The following PRIMA1 variants were observed in gnomAD, a reference collection of about 807,000 sequenced individuals.
The protein encoded by PRIMA1 is proline rich membrane anchor 1.
Under a neutral mutation model 17.5 loss-of-function variants are expected in PRIMA1, and 7 were observed. The ratio of observed to expected loss-of-function variants is 0.40; its 90% CI spans 0.23 to 0.75. The LOEUF (loss-of-function observed/expected upper bound fraction) is 0.75, where lower values mean the gene tolerates loss of function less well. PRIMA1 is among the 30% of genes least tolerant of loss of function. The pLI, the probability that PRIMA1 is intolerant of heterozygous loss-of-function variation, is 0.37. For synonymous variants in PRIMA1, 97 were observed against 77.9 expected, an observed-to-expected ratio of 1.25 and a Z score of -1.29; for missense variants, 200 against 201.8, an observed-to-expected ratio of 0.99 and a Z score of 0.05.
chr14:93,721,465 G>T lies in PRIMA1; in HGVS notation c.441C>A (p.Asp147Glu), dbSNP rs966498472. Residue 147 changes from aspartate to glutamate, a missense_variant, in exon 5 of 5, where the codon GAC (aspartate) becomes GAA (glutamate). Coordinates refer to ENST00000393140, the MANE Select transcript of PRIMA1 (RefSeq NM_178013.4). The stretch of plus-strand genomic sequence containing the variant: ...AGACTCACACCACTGCGTTGTTCAC[G>T]TCTACTCCTTTGTTGCTCTGCGAAG... ...MSASQSNKGV[D>E]VNNAVV is the part of the protein sequence containing the mutation. 6 of 1,613,000 alleles carry T rather than the reference G, an allele frequency of 3.7e-6. No individual in the cohort carries two copies. The African/African-American group carries it at 8.0e-5, about 22-fold the overall frequency.
At chr14:93,750,851 A>G (rs1432198445) in intron 3 of PRIMA1, among the ~76,000 whole-genome samples, 1 of 152,200 alleles carries the variant, frequency 6.6e-6, no homozygotes, top group Non-Finnish European at 1.5e-5. Flanking sequence ...GCCTAGGTGG[A>G]AGTCTCTGGG....
chr14:93,786,502 G>A (rs954881744), intron 2 of PRIMA1, among the ~76,000 whole-genome samples: 32 of 152,126 alleles, frequency 2.1e-4, no homozygotes, highest in African/African-American at 6.3e-4. Context: ...CATGGACCTC[G>A]GTAGACTGGC....
chr14:93,753,865 A>C (rs780468285), intron 3 of PRIMA1, among the ~76,000 whole-genome samples: 25 of 152,278 alleles, frequency 1.6e-4, no homozygotes, highest in Admixed American at 1.0e-3. Flanking sequence ...GAAATCCCAC[A>C]ATGTGAACCA....
intron 4 of PRIMA1, among the ~76,000 whole-genome samples, chr14:93,725,551 C>A (rs1457429523): frequency 1.3e-5 from 2 of 152,202 alleles, no homozygotes; most frequent in Non-Finnish European, 2.9e-5. Context: ...TAAACCCCCG[C>A]CCCACCATTT....
chr14:93,757,094 G>A (rs1470874162), intron 3 of PRIMA1, among the ~76,000 whole-genome samples: 1 of 152,178 alleles, frequency 6.6e-6, no homozygotes, highest in African/African-American at 2.4e-5. Flanking sequence ...CCCTTGTAGG[G>A]AAGAATCTAG....
chr14:93,727,916 C>CGTGA (rs897604206), intron 4 of PRIMA1, among the ~76,000 whole-genome samples: 7 of 152,254 alleles, frequency 4.6e-5, no homozygotes, highest in African/African-American at 1.7e-4. Context: ...TGGGCGGTCA[C>CGTGA]GCCCCACCAG....
At chr14:93,764,660 C>T (rs1228379358) in intron 3 of PRIMA1, among the ~76,000 whole-genome samples, 1 of 152,178 alleles carries the variant, frequency 6.6e-6, no homozygotes, top group Admixed American at 6.5e-5. Flanking sequence ...TTATTTAGGT[C>T]TCCCCATGAT....
chr14:93,727,500 G>A (rs542662557), intron 4 of PRIMA1, among the ~76,000 whole-genome samples: 1 of 152,316 alleles, frequency 6.6e-6, no homozygotes, highest in Non-Finnish European at 1.5e-5. Context: ...GCTGGGGGAT[G>A]GAGATCCCTG....
At chr14:93,775,821 C>T (rs773765595) in intron 3 of PRIMA1, among the ~76,000 whole-genome samples, 5 of 152,220 alleles carry the variant, frequency 3.3e-5, no homozygotes, top group East Asian at 1.9e-4. Context: ...GGGTTTTAGC[C>T]CTTCTATTCG....
At chr14:93,767,154 G>A (rs769765426) in intron 3 of PRIMA1, among the ~76,000 whole-genome samples, 6 of 152,236 alleles carry the variant, frequency 3.9e-5, no homozygotes, top group Admixed American at 2.6e-4. Flanking sequence ...GGCAGACCAA[G>A]AAGGTGATAC....
chr14:93,775,976 A>G (rs1403200540), intron 3 of PRIMA1, among the ~76,000 whole-genome samples: 1 of 152,202 alleles, frequency 6.6e-6, no homozygotes, highest in Non-Finnish European at 1.5e-5. Context: ...CACATGACCC[A>G]AGCTAGTCCA....
At chr14:93,755,287 G>C (rs1399057389) in intron 3 of PRIMA1, among the ~76,000 whole-genome samples, 1 of 152,230 alleles carries the variant, frequency 6.6e-6, no homozygotes. Flanking sequence ...ATGACTGTGA[G>C]ATGCAGTGCA....
chr14:93,741,378 C>T (rs901494083), intron 3 of PRIMA1, among the ~76,000 whole-genome samples: 7 of 152,194 alleles, frequency 4.6e-5, no homozygotes, highest in Non-Finnish European at 1.5e-5. Flanking sequence ...AACTTCCCTC[C>T]CATGGGGTGT....
chr14:93,732,289 C>A (rs1326082645), intron 4 of PRIMA1, among the ~76,000 whole-genome samples: 1 of 152,194 alleles, frequency 6.6e-6, no homozygotes, highest in Admixed American at 6.5e-5. Flanking sequence ...GCAAATGCCA[C>A]CCCAGGAAAA....
chr14:93,734,446 T>C (rs1164592663), intron 4 of PRIMA1, among the ~76,000 whole-genome samples: 4 of 152,214 alleles, frequency 2.6e-5, no homozygotes, highest in African/African-American at 7.2e-5. Context: ...CAACTCCTGC[T>C]AGGCGGCCCT....
At chr14:93,759,518 TGC>T (rs1171032494) in intron 3 of PRIMA1, among the ~76,000 whole-genome samples, 3 of 151,912 alleles carry the variant, frequency 2.0e-5, no homozygotes, top group Admixed American at 6.6e-5. Context: ...CATGTGTGTG[TGC>T]GTGTGTGTGC....
At chr14:93,786,642 A>C (rs1057002227) in intron 2 of PRIMA1, among the ~76,000 whole-genome samples, 2 of 152,130 alleles carry the variant, frequency 1.3e-5, no homozygotes, top group Non-Finnish European at 1.5e-5. Context: ...CCCAGAGTGG[A>C]TCCTCAATGC....
At chr14:93,760,612 TC>T in intron 3 of PRIMA1, among the ~76,000 whole-genome samples, 1 of 152,052 alleles carries the variant, frequency 6.6e-6, no homozygotes. Flanking sequence ...CAGCTTCTTA[TC>T]CCCTCTTGCC....
rs146809323 is a variant in PRIMA1, at chr14:93,730,163, A to T, written c.359+7078T>A. On this transcript the variant is annotated intron_variant, in intron 4 of 4. Coordinates refer to ENST00000393140, the MANE Select transcript of PRIMA1 (RefSeq NM_178013.4). ...ACTGACCAGTTTCTATGTGCCAGGC[A>T]TCGTGCCAGGCACCGTCGGGAGAGA... 3.5e-3 allele frequency among the ~76,000 whole-genome samples: 538 copies of T among 152,338 alleles called. 6 individuals carry two copies. Among genetic ancestry groups the T allele is most frequent in the African/African-American group, 0.012 (510 of 41,580 alleles).
Sources: allele counts gnomAD v4.1 joint callset (sites outside exome capture counted in the v4.1 genomes callset), GRCh38; gene constraint gnomAD v4.1.1; transcripts MANE v1.5; gene names NCBI Gene and HGNC (gene_info 2026-07-23, HGNC 2026-07-21).